The following OSBP2 variants were observed in gnomAD, a reference collection of about 807,000 sequenced individuals.
The protein encoded by OSBP2 is oxysterol-binding protein 2.
Under a neutral mutation model 96.0 loss-of-function variants are expected in OSBP2, and 66 were observed. That is an observed-to-expected ratio of 0.69 (90% CI 0.56 to 0.84). OSBP2 has a LOEUF of 0.84. Ranked by LOEUF, OSBP2 falls within the 40% of genes least tolerant of loss-of-function variation. The pLI, the probability that OSBP2 is intolerant of heterozygous loss-of-function variation, is 0.00. For missense variants in OSBP2, 1,038 were observed against 1,222.7 expected, an observed-to-expected ratio of 0.85 and a Z score of 2.25; for synonymous variants, 525 against 520.9, an observed-to-expected ratio of 1.01 and a Z score of -0.11.
At chr22:30,841,670 A>G (rs887238790) in intron 2 of OSBP2, among the ~76,000 whole-genome samples, 9 of 152,212 alleles carry the variant, frequency 5.9e-5, no homozygotes, top group African/African-American at 2.2e-4. Flanking sequence ...CAATAGCATT[A>G]TGTCTAAAAA....
chr22:30,778,799 G>C (rs2090473396), intron 2 of OSBP2, among the ~76,000 whole-genome samples: 1 of 151,984 alleles, frequency 6.6e-6, no homozygotes. Context: ...ACTTTGGAAG[G>C]CTGAGGCCGG....
intron 2 of OSBP2, among the ~76,000 whole-genome samples, chr22:30,757,240 C>A (rs557104943): frequency 2.8e-4 from 43 of 152,186 alleles, no homozygotes; most frequent in Non-Finnish European, 5.1e-4. Context: ...AGAACAAAAC[C>A]AGATCCACAG....
rs2039425708 is a variant in OSBP2, at chr22:30,870,028, T to G, written c.854-401T>G. 6.6e-6 allele frequency among the ~76,000 whole-genome samples: 1 copy of G among 152,116 alleles called. No individual in the cohort carries two copies. The highest frequency in any genetic ancestry group is 1.5e-5 in the Non-Finnish European group (1 of 67,992). ...GCTGAGAAAGGAGCCCAGGCTCCAT[T>G]CTGGGGGCCTCTGTGCCCAGAGAGC... is the stretch of plus-strand genomic sequence containing the variant. On this transcript the variant is annotated intron_variant, in intron 2 of 13. Coordinates refer to ENST00000332585, the MANE Select transcript of OSBP2 (RefSeq NM_030758.4). The surrounding 1 kb of genome is among the most constrained non-coding windows in gnomAD (Gnocchi z 4.1).
intron 2 of OSBP2, among the ~76,000 whole-genome samples, chr22:30,793,111 C>T (rs1218906317): frequency 3.3e-5 from 5 of 152,112 alleles, no homozygotes; most frequent in East Asian, 1.9e-4. Context: ...ATTTAGGAGC[C>T]GGGTGCGGTG....
intron 2 of OSBP2, 24 bp downstream of exon 2, chr22:30,741,393 G>A (rs1296612863): frequency 5.7e-6 from 9 of 1,572,442 alleles, no homozygotes; most frequent in Non-Finnish European, 3.5e-6. Context: ...GGGACAGCGG[G>A]TGTGTATATG....
At chr22:30,713,416 A>T (rs909431583) in intron 1 of OSBP2, among the ~76,000 whole-genome samples, 88 of 151,758 alleles carry the variant, frequency 5.8e-4, no homozygotes, top group African/African-American at 2.0e-3. Context: ...TTTCTTCCTA[A>T]CATGGGTTGG....
chr22:30,704,031 C>T (rs28360580), intron 1 of OSBP2, among the ~76,000 whole-genome samples: 20,402 of 152,172 alleles, frequency 0.13, 1,516 homozygotes, highest in Non-Finnish European at 0.17. Context: ...CACGAGGATT[C>T]AATCACAGTC....
chr22:30,693,976 A>AT (rs2088971815), upstream of OSBP2: 1 of 1,303,530 alleles, frequency 7.7e-7, no homozygotes, highest in Non-Finnish European at 1.1e-6. Context: ...AAAAGGAAAA[A>AT]AAAAAAAAGC....
intron 1 of OSBP2, among the ~76,000 whole-genome samples, chr22:30,739,059 G>T (rs1018208792): frequency 3.3e-5 from 5 of 152,212 alleles, no homozygotes; most frequent in Admixed American, 3.3e-4. Context: ...CATGGGAAAA[G>T]ATTTATTATG....
intron 2 of OSBP2, among the ~76,000 whole-genome samples, chr22:30,821,707 G>T (rs1175255870): frequency 1.3e-5 from 2 of 152,182 alleles, no homozygotes; most frequent in African/African-American, 2.4e-5. Flanking sequence ...GGAAATTTTT[G>T]TAAGTGAAAC....
At position 30,906,318 on chromosome 22, in the gene OSBP2, T is replaced by C. The variant is rs1351755929; in HGVS notation, c.2730T>C (p.His910=). ...AGGCCAAGGAGAAGCAAGACTGGCA[T>C]ATGTGCCCCAACATCTTCTGAGCGC... ...YWEAKEKQDW[H]MCPNIF is the part of the protein sequence containing the mutation. Residue 910 remains histidine, a synonymous_variant, in exon 14 of 14, where the codon CAT becomes CAC. Coordinates refer to ENST00000332585, the MANE Select transcript of OSBP2 (RefSeq NM_030758.4). The C allele has an allele frequency of 1.9e-6, 3 of 1,611,640 alleles. No individual in the cohort carries two copies. Among genetic ancestry groups the C allele is most frequent in the Non-Finnish European group, 2.5e-6 (3 of 1,178,474 alleles).
chr22:30,823,060 G>A (rs1417575255), intron 2 of OSBP2, among the ~76,000 whole-genome samples: 2 of 152,244 alleles, frequency 1.3e-5, no homozygotes, highest in Admixed American at 6.5e-5. Context: ...CCCCAGAGTC[G>A]GCCTGGGGTC....
chr22:30,843,453 C>CGCA (rs59462860), intron 2 of OSBP2, among the ~76,000 whole-genome samples: 2 of 148,314 alleles, frequency 1.3e-5, no homozygotes, highest in African/African-American at 5.0e-5. Context: ...TTCCCCCCTC[C>CGCA]CCCTTGAGCA....
intron 2 of OSBP2, among the ~76,000 whole-genome samples, chr22:30,838,796 C>T (rs76529472): frequency 0.1 from 15,386 of 151,300 alleles, 850 homozygotes; most frequent in African/African-American, 0.13. Context: ...TTTGGTCCCA[C>T]CCTCAAGGTT....
intron 2 of OSBP2, among the ~76,000 whole-genome samples, chr22:30,829,310 G>A (rs2038472026): frequency 6.6e-6 from 1 of 152,162 alleles, no homozygotes; most frequent in South Asian, 2.1e-4. Context: ...ATTTTTTTGA[G>A]ACGGAGTCTT....
rs567548978 is a variant in OSBP2, at chr22:30,890,587, C to G, written c.1624-141C>G. 146 of 884,388 alleles carry G rather than the reference C, an allele frequency of 1.7e-4. 1 individual carries two copies. The East Asian group carries it at 2.8e-3, about 17-fold the overall frequency. 54.8% of individuals were successfully genotyped at this position (884,388 alleles called of 1,614,324 possible). On this transcript the variant is annotated intron_variant, in intron 7 of 13. Coordinates refer to ENST00000332585, the MANE Select transcript of OSBP2 (RefSeq NM_030758.4). This position sits in a 1 kb window ranked among gnomAD's most constrained non-coding sequence, Gnocchi z 4.4. ...GGGAGGTGATGGCTTGGGGGCCACA[C>G]TGTTGGACAGGGCCATCTGAGGAGC...
At chr22:30,732,081 A>G (rs754945798) in intron 1 of OSBP2, among the ~76,000 whole-genome samples, 5 of 152,230 alleles carry the variant, frequency 3.3e-5, no homozygotes, top group Non-Finnish European at 5.9e-5. Context: ...AGGTGGAAAG[A>G]TCACCTGAGG....
intron 2 of OSBP2, among the ~76,000 whole-genome samples, chr22:30,782,368 A>G (rs2090529478): frequency 6.6e-6 from 1 of 151,902 alleles, no homozygotes; most frequent in African/African-American, 2.4e-5. Flanking sequence ...TGCATTTTCT[A>G]GGATTTCTTT....
chr22:30,828,355 C>T (rs981881397), intron 2 of OSBP2, among the ~76,000 whole-genome samples: 1 of 152,194 alleles, frequency 6.6e-6, no homozygotes, highest in African/African-American at 2.4e-5. Context: ...AGGCACCCAG[C>T]CCAGAGGGGC....
Sources: allele counts gnomAD v4.1 joint callset (sites outside exome capture counted in the v4.1 genomes callset), GRCh38; gene constraint gnomAD v4.1.1; non-coding constraint Gnocchi (gnomAD v3.1); transcripts MANE v1.5; gene names NCBI Gene and HGNC (gene_info 2026-07-23, HGNC 2026-07-21).